SLC39A14: variants seen among roughly 807,000 people sequenced by gnomAD.
SLC39A14 encodes the protein metal cation symporter ZIP14.
SLC39A14 carries 19 observed loss-of-function variants against 45.5 expected under a neutral mutation model. That is an observed-to-expected ratio of 0.42 (90% CI 0.29 to 0.61). The LOEUF (loss-of-function observed/expected upper bound fraction) is 0.61, where lower values mean the gene tolerates loss of function less well. SLC39A14 is among the 20% of genes least tolerant of loss of function. SLC39A14 has a pLI of 0.22. For missense variants in SLC39A14, 447 were observed against 616.5 expected (o/e 0.73, Z 2.91); for synonymous variants, 264 against 251.3 (o/e 1.05, Z -0.48).
At chr8:22,376,334 A>ATTTTTT (rs778041310) in intron 1 of SLC39A14, among the ~76,000 whole-genome samples, 29 of 122,426 alleles carry the variant, frequency 2.4e-4, no homozygotes, top group Non-Finnish European at 2.8e-4. Context: ...ACCACACCTA[A>ATTTTTT]TTTTTTTTTT....
intron 1 of SLC39A14, among the ~76,000 whole-genome samples, chr8:22,397,585 G>GT: frequency 6.6e-6 from 1 of 150,416 alleles, no homozygotes; most frequent in South Asian, 2.1e-4. Context: ...GCGAGACTCC[G>GT]TCCCAAAAAA....
intron 7 of SLC39A14, 80 bp downstream of exon 7, chr8:22,416,360 C>G (rs1835882293): frequency 8.4e-7 from 1 of 1,187,444 alleles, no homozygotes; most frequent in Non-Finnish European, 1.2e-6. Flanking sequence ...TTCCTTGCTC[C>G]CATCTCCCTG....
rs1834627039 is a variant in SLC39A14 at position 22,398,270 on chromosome 8, AC to A, written c.-15-6424del. ...AAACCCCGGTTTAGACTGTCTTCAAACCGACCGCCACCCCAGAGCCTGCAGC... is the reference window on the plus strand; with the variant it reads ...AAACCCCGGTTTAGACTGTCTTCAAACGACCGCCACCCCAGAGCCTGCAGC... On this transcript the variant is annotated intron_variant, in intron 1 of 8. Transcript: ENST00000381237. 2.6e-5 allele frequency: 4 copies of A among 152,344 alleles called. No homozygotes were observed. In the South Asian group the frequency reaches 6.2e-4, roughly 24 times the overall value. The allele number at this position is 152,344 out of a possible 1,614,324, so 9.4% of individuals were successfully genotyped here.
rs543062996 is a variant in SLC39A14 at position 22,416,795 on chromosome 8, G to C, written c.1147+515G>C. Among the ~76,000 whole-genome samples, 16 of 152,256 alleles carry C rather than the reference G, an allele frequency of 1.1e-4. No homozygotes were observed. In the South Asian group the frequency reaches 2.9e-3, roughly 28 times the overall value. ...AAAATGATGGGGTTTTTACAGGGGT[G>C]TTTGTTTCCTTTTAGCCCCATATGC... On this transcript the variant is annotated intron_variant, in intron 7 of 8. Coordinates refer to ENST00000381237, the MANE Select transcript of SLC39A14 (RefSeq NM_001128431.4).
In SLC39A14 at chr8:22,368,773, T is replaced by G. The variant is rs1255576500; in HGVS notation, c.-16+1365T>G. On this transcript the variant is annotated intron_variant, in intron 1 of 8. Coordinates refer to ENST00000381237, the MANE Select transcript of SLC39A14 (RefSeq NM_001128431.4). ...GGATGGTCTCGATCTCCTGACCTCG[T>G]GATCCGCCCACCTCAGCCTTCCAGA... Among the ~76,000 whole-genome samples, 4 of 152,092 alleles carry G rather than the reference T, an allele frequency of 2.6e-5. No individual in the cohort carries two copies. The East Asian group carries it at 7.7e-4, about 29-fold the overall frequency.
rs1431621658 is a variant in SLC39A14, at chr8:22,408,378, G to A, written c.339G>A (p.Glu113=). The change falls in exon 3 of 9, where the codon GAG becomes GAA. Residue 113 remains glutamate (E), a synonymous_variant. Transcript: ENST00000381237. ...FSEQSRIGSS[E]LQEFCPTILQ... Reference sequence around the variant, plus strand: ...AGCAGTCGCGGATTGGGAGCAGCGAGCTCCAGGAGTTCTGCCCCACCATCC... The same window carrying A: ...AGCAGTCGCGGATTGGGAGCAGCGAACTCCAGGAGTTCTGCCCCACCATCC... 1.9e-6 allele frequency: 3 copies of A among 1,614,212 alleles called. No homozygotes were observed. The highest frequency in any genetic ancestry group is 2.5e-6 in the Non-Finnish European group (3 of 1,180,038).
At chr8:22,398,631 T>C in intron 1 of SLC39A14, 1 of 769,832 alleles carries the variant, frequency 1.3e-6, no homozygotes, top group Non-Finnish European at 1.6e-6. Flanking sequence ...CTCATATCTA[T>C]GCCCAACCTC....
At chr8:22,425,736 A>G (rs1167427925), downstream of SLC39A14, among the ~76,000 whole-genome samples, 1 of 152,124 alleles carries the variant, frequency 6.6e-6, no homozygotes, top group Admixed American at 6.5e-5. Context: ...AAGGGAGTTA[A>G]TGGAGTATCC....
intron 8 of SLC39A14, among the ~76,000 whole-genome samples, chr8:22,430,042 A>C (rs996617252): frequency 1.3e-5 from 2 of 152,240 alleles, no homozygotes; most frequent in Admixed American, 6.5e-5. Flanking sequence ...AAACAAGGCC[A>C]GTCTGTCTGG....
chr8:22,376,770 C>T (rs994976520), intron 1 of SLC39A14, among the ~76,000 whole-genome samples: 49 of 151,978 alleles, frequency 3.2e-4, no homozygotes, highest in African/African-American at 1.1e-3. Flanking sequence ...TGCAGCTACT[C>T]GGGAGGCTGA....
At chr8:22,377,318 A>C (rs1833270263) in intron 1 of SLC39A14, among the ~76,000 whole-genome samples, 1 of 151,976 alleles carries the variant, frequency 6.6e-6, no homozygotes, top group Admixed American at 6.6e-5. Flanking sequence ...TTACTACAAA[A>C]TATTCCAGGC....
chr8:22,419,118 G>A (rs539757740), intron 8 of SLC39A14, among the ~76,000 whole-genome samples: 71 of 152,286 alleles, frequency 4.7e-4, no homozygotes, highest in Non-Finnish European at 8.2e-4. Context: ...CCACATACAC[G>A]TTGAGTACTT....
intron 1 of SLC39A14, among the ~76,000 whole-genome samples, chr8:22,403,255 C>G (rs1834990174): frequency 6.6e-6 from 1 of 151,500 alleles, no homozygotes; most frequent in Non-Finnish European, 1.5e-5. Flanking sequence ...GGATTACAGG[C>G]ATGAGCCACT....
In SLC39A14 at chr8:22,420,391, G is replaced by A. The variant is rs181219788; in HGVS notation, c.*693G>A. On this transcript the variant is annotated 3_prime_UTR_variant, in exon 9 of 9. Transcript: ENST00000381237. ...TTTGTAACAGCACCTGGTGTTTCAC[G>A]GCTGTCCGAGTGAGCTAACGTGGCG... 9 of 985,440 alleles carry A rather than the reference G, an allele frequency of 9.1e-6. No homozygotes were observed. Among genetic ancestry groups the A allele is most frequent in the Admixed American group, 1.2e-4 (2 of 16,280 alleles). 61.0% of individuals were successfully genotyped at this position (985,440 alleles called of 1,614,324 possible).
intron 1 of SLC39A14, among the ~76,000 whole-genome samples, chr8:22,399,012 C>T (rs1834686549): frequency 6.6e-6 from 1 of 152,202 alleles, no homozygotes; most frequent in Non-Finnish European, 1.5e-5. Context: ...GACTCCAGCC[C>T]CTCTCCAGCA....
intron 8 of SLC39A14, among the ~76,000 whole-genome samples, chr8:22,418,060 G>A (rs1298476342): frequency 1.3e-5 from 2 of 152,036 alleles, no homozygotes; most frequent in African/African-American, 2.4e-5. Flanking sequence ...GTGCCACCAC[G>A]CCTGGCTAAT....
downstream of SLC39A14, among the ~76,000 whole-genome samples, chr8:22,426,720 G>A (rs1408014965): frequency 2.0e-5 from 3 of 151,932 alleles, no homozygotes; most frequent in South Asian, 2.1e-4. Context: ...GTCTCACTCT[G>A]TTGCCCAGGC....
At chr8:22,417,897 GT>G (rs924973145) in intron 8 of SLC39A14, 62 bp downstream of exon 8, 126 of 1,397,312 alleles carry the variant, frequency 9.0e-5, no homozygotes, top group East Asian at 4.3e-4. Context: ...TAGGTAGGTA[GT>G]TTTTTTTTAT....
chr8:22,414,129 C>T (rs907209500), intron 4 of SLC39A14, among the ~76,000 whole-genome samples: 2 of 152,102 alleles, frequency 1.3e-5, no homozygotes, highest in South Asian at 4.1e-4. Context: ...GGACAGAATT[C>T]TCTTGATTTC....
Sources: gnomAD v4.1 joint callset for allele counts (sites outside exome capture counted in the v4.1 genomes callset) on GRCh38, gnomAD v4.1.1 for gene constraint, MANE v1.5 for transcripts, NCBI Gene and HGNC (gene_info 2026-07-23, HGNC 2026-07-21) for gene names.